The following LRP1B variants were observed in gnomAD, a reference collection of about 807,000 sequenced individuals.
LRP1B encodes the protein low-density lipoprotein receptor-related protein 1B.
Under a neutral mutation model 556.6 loss-of-function variants are expected in LRP1B, and 217 were observed. The observed-to-expected ratio is 0.39, with a 90% CI of 0.35 to 0.44. LRP1B has a LOEUF of 0.44. Ranked by LOEUF, LRP1B falls within the 20% of genes least tolerant of loss-of-function variation. The pLI is 1.00. For synonymous variants in LRP1B, 2,047 were observed against 1,865.8 expected, an observed-to-expected ratio of 1.10 and a Z score of -2.50; for missense variants, 5,053 against 5,620.8, an observed-to-expected ratio of 0.90 and a Z score of 3.23.
chr2:141,960,546 T>C (rs1701374637), intron 1 of LRP1B, among the ~76,000 whole-genome samples: 1 of 151,884 alleles, frequency 6.6e-6, no homozygotes, highest in South Asian at 2.1e-4. Context: ...CATAAATGTT[T>C]TTCAAAGTTT....
chr2:141,712,316 G>T (rs1267228774), intron 2 of LRP1B, among the ~76,000 whole-genome samples: 1 of 151,816 alleles, frequency 6.6e-6, no homozygotes, highest in Non-Finnish European at 1.5e-5. Context: ...CTTTAAAAAT[G>T]CCACAGAACC....
rs76345978 is a variant in LRP1B, at chr2:140,740,799, T to C, written c.5759-23983A>G. 4.0e-3 allele frequency among the ~76,000 whole-genome samples: 608 copies of C among 152,210 alleles called. 11 individuals are homozygous for C. In the South Asian group the frequency reaches 0.05, roughly 12 times the overall value. ...TCTCCCTATATCTTCATATGGTCTTTCCTCTGTGCATTTTTTCTGTGTACT... is the reference window on the plus strand; with the variant it reads ...TCTCCCTATATCTTCATATGGTCTTCCCTCTGTGCATTTTTTCTGTGTACT... On this transcript the variant is annotated intron_variant, in intron 35 of 90. Transcript: ENST00000389484.
chr2:141,193,891 T>C (rs1360982697), intron 6 of LRP1B, among the ~76,000 whole-genome samples: 3 of 152,076 alleles, frequency 2.0e-5, no homozygotes, highest in Non-Finnish European at 4.4e-5. Flanking sequence ...ATACCTTTGT[T>C]TGACTTATAA....
intron 7 of LRP1B, among the ~76,000 whole-genome samples, chr2:141,150,141 G>A (rs931507447): frequency 3.3e-5 from 5 of 152,130 alleles, no homozygotes; most frequent in African/African-American, 1.2e-4. Context: ...AGGAGCTTAA[G>A]GATCTACTGA....
At chr2:140,970,820 A>G (rs1038768834) in intron 18 of LRP1B, among the ~76,000 whole-genome samples, 29 of 134,204 alleles carry the variant, frequency 2.2e-4, no homozygotes, top group African/African-American at 8.4e-4. Context: ...GGCTCACTGC[A>G]GCCTGGACGT....
chr2:141,127,487 C>T (rs1168294952), intron 7 of LRP1B, among the ~76,000 whole-genome samples: 4 of 152,144 alleles, frequency 2.6e-5, no homozygotes, highest in Non-Finnish European at 4.4e-5. Context: ...TTGGAACCAA[C>T]CCAAATGCCC....
chr2:140,724,516 T>G (rs1340906223), intron 35 of LRP1B, among the ~76,000 whole-genome samples: 4 of 152,156 alleles, frequency 2.6e-5, no homozygotes. Flanking sequence ...CAGTGCTCTA[T>G]CCCAAAATTA....
chr2:141,330,478 C>T (rs548510434), intron 3 of LRP1B, among the ~76,000 whole-genome samples: 64 of 152,232 alleles, frequency 4.2e-4, no homozygotes, highest in Middle Eastern at 6.8e-3. Context: ...TTAGAATAGA[C>T]ATATTGCGTG....
intron 3 of LRP1B, among the ~76,000 whole-genome samples, chr2:141,335,033 T>A (rs1166899692): frequency 6.6e-6 from 1 of 152,208 alleles, no homozygotes; most frequent in Non-Finnish European, 1.5e-5. Context: ...ATAAGACACA[T>A]TGATAGGCAT....
At chr2:140,738,840 A>G (rs1465045421) in intron 35 of LRP1B, among the ~76,000 whole-genome samples, 1 of 152,190 alleles carries the variant, frequency 6.6e-6, no homozygotes, top group Non-Finnish European at 1.5e-5. Context: ...CTCGTGACTA[A>G]TTGCCTACAT....
chr2:141,527,407 A>G (rs1684725901), intron 2 of LRP1B, among the ~76,000 whole-genome samples: 1 of 148,880 alleles, frequency 6.7e-6, no homozygotes, highest in Non-Finnish European at 1.5e-5. Context: ...AAATACAGGC[A>G]TTTTACAAAA....
chr2:141,292,951 T>C (rs1428524870), intron 3 of LRP1B, among the ~76,000 whole-genome samples: 1 of 152,208 alleles, frequency 6.6e-6, no homozygotes, highest in African/African-American at 2.4e-5. Context: ...TTGTACCATA[T>C]GAATATAAGA....
intron 2 of LRP1B, among the ~76,000 whole-genome samples, chr2:141,506,034 CTGTTAGGGATAGAAATTCCTAATCATT>C (rs1226828289): frequency 1.3e-5 from 2 of 151,990 alleles, no homozygotes; most frequent in Non-Finnish European, 2.9e-5. Flanking sequence ...TGTGACAACC[CTGTTAGGGATAGAAATTCCTAATCATT>C]TGTCATTAGA....
intron 59 of LRP1B, 31 bp downstream of exon 59, chr2:140,485,312 A>C: frequency 1.3e-6 from 2 of 1,567,804 alleles, no homozygotes; most frequent in South Asian, 2.3e-5. Flanking sequence ...TCCAGTCTTA[A>C]ACTTTAAGAT....
intron 1 of LRP1B, among the ~76,000 whole-genome samples, chr2:142,037,608 C>G (rs1419773505): frequency 6.6e-6 from 1 of 151,570 alleles, no homozygotes; most frequent in Non-Finnish European, 1.5e-5. Flanking sequence ...ATGGGACAAT[C>G]TGGTTCAGGG....
chr2:141,399,343 T>C (rs1690362323), intron 3 of LRP1B, among the ~76,000 whole-genome samples: 1 of 152,146 alleles, frequency 6.6e-6, no homozygotes, highest in South Asian at 2.1e-4. Context: ...TACATGTATG[T>C]TAACTAACTG....
At chr2:141,420,089 T>C (rs1305878907) in intron 3 of LRP1B, among the ~76,000 whole-genome samples, 3 of 152,226 alleles carry the variant, frequency 2.0e-5, no homozygotes, top group African/African-American at 7.2e-5. Context: ...GGATGTTCTA[T>C]TCAATAATGA....
intron 4 of LRP1B, among the ~76,000 whole-genome samples, chr2:141,250,285 T>C (rs1299134123): frequency 1.3e-5 from 2 of 152,146 alleles, no homozygotes; most frequent in African/African-American, 2.4e-5. Flanking sequence ...AGTCTCAGAC[T>C]GGGGGCTGGT....
Position 141,480,467 on chromosome 2 carries a change from A to G in LRP1B, c.272T>C (p.Val91Ala). Residue 91 changes from valine to alanine, a missense_variant, in exon 3 of 91, where the codon GTT becomes GCT. This residue lies in a region of LRP1B where 3,619 missense variants were observed against 3,931.9 expected (regional missense o/e 0.92). Transcript: ENST00000389484. Reference sequence around the variant, plus strand: ...ACCATTGCACAGCTGGGATAAATGAACACATTTGTTGGTACCAAGGCAAGC... The same window carrying G: ...ACCATTGCACAGCTGGGATAAATGAGCACATTTGTTGGTACCAAGGCAAGC... ...HIACLGTNKC[V>A]HLSQLCNGVL... 2 of 1,614,028 alleles carry G rather than the reference A, an allele frequency of 1.2e-6. No individual in the cohort carries two copies. The highest frequency in any genetic ancestry group is 1.7e-6 in the Non-Finnish European group (2 of 1,179,940).
Sources: gnomAD v4.1 joint callset for allele counts (sites outside exome capture counted in the v4.1 genomes callset) on GRCh38, gnomAD v4.1.1 for gene constraint, gnomAD v4.1.1 regional missense constraint, MANE v1.5 for transcripts, NCBI Gene and HGNC (gene_info 2026-07-23, HGNC 2026-07-21) for gene names.